NEK11: variants seen among roughly 807,000 people sequenced by gnomAD.
NEK11 encodes the protein serine/threonine-protein kinase Nek11.
In NEK11, 72 loss-of-function variants were observed where a neutral mutation model predicts 80.7. The observed-to-expected ratio is 0.89, with a 90% CI of 0.74 to 1.08. The LOEUF (loss-of-function observed/expected upper bound fraction) is 1.08, where lower values mean the gene tolerates loss of function less well. NEK11 is among the 50% of genes least tolerant of loss of function. The pLI is 0.00. For synonymous variants in NEK11, 251 were observed against 260.7 expected, an observed-to-expected ratio of 0.96 and a Z score of 0.36; for missense variants, 764 against 763.6, an observed-to-expected ratio of 1.00 and a Z score of -0.01.
intron 17 of NEK11, among the ~76,000 whole-genome samples, chr3:131,308,402 A>G (rs72991597): frequency 0.12 from 18,022 of 152,226 alleles, 1,513 homozygotes; most frequent in East Asian, 0.3. Flanking sequence ...TGTGTAATCA[A>G]CTTTACACTC....
At chr3:131,345,140 GT>G (rs1178387766) in intron 17 of NEK11, among the ~76,000 whole-genome samples, 1 of 151,228 alleles carries the variant, frequency 6.6e-6, no homozygotes, top group East Asian at 1.9e-4. Flanking sequence ...TTTTTTCTAT[GT>G]TTTTTATTCC....
At chr3:131,332,074 G>C (rs189274652) in intron 17 of NEK11, among the ~76,000 whole-genome samples, 1 of 152,220 alleles carries the variant, frequency 6.6e-6, no homozygotes, top group Non-Finnish European at 1.5e-5. Context: ...AACCTCTGCA[G>C]AATTAAACGT....
intron 4 of NEK11, among the ~76,000 whole-genome samples, chr3:131,087,396 A>T (rs1024943616): frequency 6.6e-6 from 1 of 151,974 alleles, no homozygotes; most frequent in Non-Finnish European, 1.5e-5. Flanking sequence ...GGCGCGTGCC[A>T]CCACGCCCAG....
At chr3:131,068,853 C>A (rs2072587124) in intron 3 of NEK11, among the ~76,000 whole-genome samples, 2 of 152,132 alleles carry the variant, frequency 1.3e-5, no homozygotes, top group South Asian at 4.1e-4. Context: ...AAATATAAGA[C>A]CCAGAATCAG....
At chr3:131,082,068 A>T (rs552717112) in intron 4 of NEK11, among the ~76,000 whole-genome samples, 1 of 152,196 alleles carries the variant, frequency 6.6e-6, no homozygotes, top group African/African-American at 2.4e-5. Flanking sequence ...TGCTTGGAGG[A>T]AAGTGGACAG....
chr3:131,121,367 C>T (rs1456861830), intron 5 of NEK11, among the ~76,000 whole-genome samples: 1 of 152,166 alleles, frequency 6.6e-6, no homozygotes, highest in Non-Finnish European at 1.5e-5. Context: ...CAGAGGGGCA[C>T]CTGGCTGTAG....
At chr3:131,272,520 GGCTGGAGTGCC>G (rs2096216343) in intron 16 of NEK11, among the ~76,000 whole-genome samples, 1 of 115,250 alleles carries the variant, frequency 8.7e-6, no homozygotes, top group South Asian at 3.0e-4. Context: ...CTTTCACCCA[GGCTGGAGTGCC>G]GTGGTGCGAT....
chr3:131,219,002 A>G (rs1481110462), intron 14 of NEK11, among the ~76,000 whole-genome samples: 1 of 152,210 alleles, frequency 6.6e-6, no homozygotes, highest in Non-Finnish European at 1.5e-5. Flanking sequence ...TCAAGGATCT[A>G]GAACCAGAAA....
At chr3:131,065,296 C>T (rs370843311) in intron 3 of NEK11, among the ~76,000 whole-genome samples, 6 of 152,288 alleles carry the variant, frequency 3.9e-5, no homozygotes, top group Admixed American at 6.5e-5. Flanking sequence ...AAATGAATGA[C>T]AAGGAAAACA....
intron 17 of NEK11, among the ~76,000 whole-genome samples, chr3:131,287,084 T>C (rs556175377): frequency 6.6e-6 from 1 of 152,302 alleles, no homozygotes; most frequent in South Asian, 2.1e-4. Context: ...TTTCTGTCCA[T>C]CTGTGCCCAT....
chr3:131,172,753 A>T (rs1236175568), intron 14 of NEK11, among the ~76,000 whole-genome samples: 1 of 152,198 alleles, frequency 6.6e-6, no homozygotes, highest in East Asian at 1.9e-4. Flanking sequence ...ACTGGGCTGC[A>T]TTCCCAGGAG....
At chr3:131,237,571 A>C (rs1448445618) in intron 15 of NEK11, among the ~76,000 whole-genome samples, 1 of 152,104 alleles carries the variant, frequency 6.6e-6, no homozygotes, top group Non-Finnish European at 1.5e-5. Context: ...CTAGACTTAC[A>C]TATCCAGTCT....
chr3:131,328,780 C>CTAAAATACTGTTTA (rs1216413619), intron 17 of NEK11: 1 of 152,202 alleles, frequency 6.6e-6, no homozygotes, highest in African/African-American at 2.4e-5. Context: ...TGCTGTTAAG[C>CTAAAATACTGTTTA]TAAAATACTG....
At chr3:131,050,218 G>A (rs1200390823) in intron 3 of NEK11, among the ~76,000 whole-genome samples, 3 of 152,152 alleles carry the variant, frequency 2.0e-5, no homozygotes, top group African/African-American at 4.8e-5. Flanking sequence ...AAACCTAAAG[G>A]TGGAATCATT....
intron 17 of NEK11, among the ~76,000 whole-genome samples, chr3:131,294,146 T>A (rs1388981826): frequency 6.6e-6 from 1 of 152,102 alleles, no homozygotes; most frequent in Non-Finnish European, 1.5e-5. Context: ...TTTTCTAAGG[T>A]AGAAACTTAG....
intron 5 of NEK11, among the ~76,000 whole-genome samples, chr3:131,119,184 G>A (rs910852264): frequency 1.3e-5 from 2 of 152,086 alleles, no homozygotes; most frequent in African/African-American, 4.8e-5. Context: ...TGTTCTCATT[G>A]GTTTCAAAGA....
chr3:131,216,108 T>C (rs1441591162), intron 14 of NEK11, among the ~76,000 whole-genome samples: 3 of 152,170 alleles, frequency 2.0e-5, no homozygotes, highest in Non-Finnish European at 4.4e-5. Flanking sequence ...AAGTGGTACT[T>C]TAAAGAGATG....
chr3:131,087,199 T>C (rs779475955), intron 4 of NEK11, among the ~76,000 whole-genome samples: 1 of 151,718 alleles, frequency 6.6e-6, no homozygotes, highest in Non-Finnish European at 1.5e-5. Context: ...GCCTTTAGTA[T>C]GAGGATTCAT....
intron 17 of NEK11, among the ~76,000 whole-genome samples, chr3:131,315,582 A>G (rs889593170): frequency 6.7e-6 from 1 of 150,136 alleles, no homozygotes; most frequent in African/African-American, 2.5e-5. Flanking sequence ...TCCGGGGTAC[A>G]TGTGCAGGAT....
Sources: gnomAD v4.1 joint callset for allele counts (sites outside exome capture counted in the v4.1 genomes callset) on GRCh38, gnomAD v4.1.1 for gene constraint, MANE v1.5 for transcripts, NCBI Gene and HGNC (gene_info 2026-07-23, HGNC 2026-07-21) for gene names.